The following MYO1H variants were observed in gnomAD, a reference collection of about 807,000 sequenced individuals.
MYO1H encodes the protein unconventional myosin-Ih.
A neutral mutation model predicts 149.3 loss-of-function variants in MYO1H; 118 were observed. The observed-to-expected ratio is 0.79, with a 90% CI of 0.68 to 0.92. The LOEUF is 0.92. Among genes scored for constraint, MYO1H ranks in the 40% least tolerant of loss-of-function variants. MYO1H has a pLI of 0.00. For missense variants in MYO1H, 1,212 were observed against 1,280.7 expected, an observed-to-expected ratio of 0.95 and a Z score of 0.82; for synonymous variants, 447 against 465.2, an observed-to-expected ratio of 0.96 and a Z score of 0.50.
intron 4 of MYO1H, among the ~76,000 whole-genome samples, 181 bp from the exon 5 acceptor site, chr12:109,397,551 A>G (rs1202495989): frequency 1.3e-5 from 2 of 152,112 alleles, no homozygotes; most frequent in African/African-American, 4.8e-5. Flanking sequence ...GTCCAGATCT[A>G]GTGTTTGGCA....
chr12:109,432,641 G>T (rs966279467), intron 19 of MYO1H, among the ~76,000 whole-genome samples: 1 of 152,134 alleles, frequency 6.6e-6, no homozygotes, highest in Non-Finnish European at 1.5e-5. Context: ...TGAGTCACTG[G>T]GTTGAGCGTC....
chr12:109,338,373 A>T, the MYO1H span, among the ~76,000 whole-genome samples: 1 of 152,198 alleles, frequency 6.6e-6, no homozygotes, highest in Non-Finnish European at 1.5e-5. Context: ...GGCAACTCAC[A>T]GGGCAAAAAC....
intron 14 of MYO1H, among the ~76,000 whole-genome samples, chr12:109,413,359 T>G (rs1164268955): frequency 6.6e-6 from 1 of 152,204 alleles, no homozygotes. Flanking sequence ...TCCAATTTTG[T>G]AAATGATGCC....
rs982769076 is a variant in MYO1H, at chr12:109,393,263, G to A, written c.175-68G>A. 8 of 916,772 alleles carry A rather than the reference G, an allele frequency of 8.7e-6. No homozygotes were observed. In the African/African-American group the frequency reaches 1.2e-4, roughly 13 times the overall value. The allele number at this position is 916,772 out of a possible 1,614,324, so 56.8% of individuals were successfully genotyped here. Reference sequence around the variant, plus strand: ...TCCTCCATGTGGAATGAACACATGGGGATCATCATGTGTGACAGTCTTTTG... The same window carrying A: ...TCCTCCATGTGGAATGAACACATGGAGATCATCATGTGTGACAGTCTTTTG... On this transcript the variant is annotated intron_variant, in intron 2 of 31. Transcript: ENST00000310903.
At chr12:109,442,674 T>C (rs1476256822) in intron 27 of MYO1H, among the ~76,000 whole-genome samples, 1 of 151,896 alleles carries the variant, frequency 6.6e-6, no homozygotes, top group Admixed American at 6.6e-5. Context: ...TGATCTTCTG[T>C]GAATGAGGAT....
At chr12:109,420,825 G>A (rs1455934982) in intron 15 of MYO1H, among the ~76,000 whole-genome samples, 156 bp from the exon 16 acceptor site, 1 of 152,110 alleles carries the variant, frequency 6.6e-6, no homozygotes, top group Non-Finnish European at 1.5e-5. Flanking sequence ...CACAAAGAAC[G>A]ACCCAGCCCC....
chr12:109,318,977 T>TGTTTTG, the MYO1H span, among the ~76,000 whole-genome samples: 12 of 138,174 alleles, frequency 8.7e-5, no homozygotes, highest in Non-Finnish European at 1.2e-4. Context: ...GTTTTGTTTT[T>TGTTTTG]TTTTTTTTTT....
intron 24 of MYO1H, among the ~76,000 whole-genome samples, chr12:109,440,185 G>A (rs529583310): frequency 3.9e-4 from 60 of 152,158 alleles, no homozygotes; most frequent in Admixed American, 2.4e-3. Flanking sequence ...ACAGGCGCCC[G>A]CCACCATGCC....
At position 109,443,654 on chromosome 12, in the gene MYO1H, GA is replaced by G. The variant is rs1162845796; in HGVS notation, c.2824+7del. On this transcript the variant is annotated splice_donor_region_variant and intron_variant, in intron 28 of 31. Coordinates refer to ENST00000310903, the Ensembl canonical transcript of MYO1H. The stretch of plus-strand genomic sequence containing the variant: ...TAGAGTACTCAGCTCTCAAAGGTAA[GA>G]AGTGGGCAATCTTTAAAACAATGCA... The G allele has an allele frequency of 1.2e-6, 2 of 1,613,538 alleles. No homozygotes were observed. The highest frequency in any genetic ancestry group is 2.7e-5 in the African/African-American group (2 of 74,866).
At chr12:109,358,846 T>TAAAAA (rs541289093) in intron 1 of MYO1H, among the ~76,000 whole-genome samples, 3 of 84,558 alleles carry the variant, frequency 3.5e-5, no homozygotes, top group East Asian at 3.4e-4. Context: ...CCTGTGGTGT[T>TAAAAA]AAAAAAAAAA....
the MYO1H span, among the ~76,000 whole-genome samples, chr12:109,335,564 A>G: frequency 2.2e-5 from 3 of 137,138 alleles, no homozygotes; most frequent in Admixed American, 8.1e-5. Flanking sequence ...CTTCTTTTGT[A>G]AAAAACAAAC....
intron 25 of MYO1H, 99 bp downstream of exon 25, chr12:109,440,926 G>A (rs1158461842): frequency 1.1e-6 from 1 of 874,178 alleles, no homozygotes; most frequent in African/African-American, 1.7e-5. Flanking sequence ...CTATAAGCGG[G>A]GGTCATGCTA....
intron 30 of MYO1H, 92 bp downstream of exon 30, chr12:109,444,621 C>T (rs1872401727): frequency 2.1e-6 from 2 of 968,420 alleles, no homozygotes; most frequent in Admixed American, 3.9e-5. Flanking sequence ...AATCCCAGCA[C>T]TTTGGGAGGC....
rs192777818 is a variant in MYO1H at position 109,427,804 on chromosome 12, G to A, written c.1949+218G>A. On this transcript the variant is annotated intron_variant, in intron 19 of 31. Transcript: ENST00000310903. The stretch of plus-strand genomic sequence containing the variant: ...TCATGCCTGTAATCCCAGCATTTTG[G>A]GAGGCCGAGGTGGGAGGATTGCTTG... 8.4e-4 allele frequency among the ~76,000 whole-genome samples: 119 copies of A among 141,020 alleles called. 2 individuals carry two copies. The highest frequency in any genetic ancestry group is 3.1e-3 in the African/African-American group (115 of 37,640). The allele number at this position is 141,020 out of a possible 152,430, so 92.5% of individuals were successfully genotyped here. A position where few individuals can be genotyped will look rare whatever the true frequency, so the allele number is the denominator to read the frequency against.
chr12:109,417,549 C>A (rs1008154074), intron 15 of MYO1H, among the ~76,000 whole-genome samples: 1 of 151,850 alleles, frequency 6.6e-6, no homozygotes. Flanking sequence ...GGGTGGTCTC[C>A]ATCTACCGAC....
intron 20 of MYO1H, among the ~76,000 whole-genome samples, chr12:109,433,302 G>A (rs144379206): frequency 1.1e-3 from 173 of 152,312 alleles, no homozygotes; most frequent in Non-Finnish European, 2.2e-3. Flanking sequence ...GGCACCTAAC[G>A]TCCGTGTGCC....
At chr12:109,410,178 GTCGC>G in intron 12 of MYO1H, 110 bp downstream of exon 12, 1 of 544,780 alleles carries the variant, frequency 1.8e-6, no homozygotes, top group Non-Finnish European at 2.9e-6. Context: ...ATCTCACTCT[GTCGC>G]CCAGGCTGGA....
intron 1 of MYO1H, among the ~76,000 whole-genome samples, chr12:109,382,988 T>A (rs2137026962): frequency 6.6e-6 from 1 of 151,550 alleles, no homozygotes; most frequent in East Asian, 1.9e-4. Flanking sequence ...ACAATACATG[T>A]GAAGGAAGTG....
rs765628351 is a variant in MYO1H at position 109,443,630 on chromosome 12, A to G, written c.2805A>G (p.Ile935Met). ...AACTTGCCAAAATCAAGCAGAAAAT[A>G]GAGTACTCAGCTCTCAAAGGTAAGA... Residue 935 changes from isoleucine (I) to methionine (M), a missense_variant, in exon 28 of 32, where the codon ATA (isoleucine) becomes ATG (methionine). Ile to Met is a conservative substitution (Grantham distance 10). Transcript: ENST00000310903. 5.6e-6 allele frequency: 9 copies of G among 1,613,390 alleles called. No individual in the cohort carries two copies. Among genetic ancestry groups the G allele is most frequent in the Non-Finnish European group, 7.6e-6 (9 of 1,179,426 alleles).
Sources: gnomAD v4.1 joint callset for allele counts (sites outside exome capture counted in the v4.1 genomes callset) on GRCh38, gnomAD v4.1.1 for gene constraint, MANE v1.5 for transcripts, NCBI Gene and HGNC (gene_info 2026-07-23, HGNC 2026-07-21) for gene names.